Variants in CDKL4 observed in about 807,000 individuals in gnomAD.
CDKL4 encodes the protein cyclin-dependent kinase-like 4.
CDKL4 carries 44 observed loss-of-function variants against 42.0 expected under a neutral mutation model. That is an observed-to-expected ratio of 1.05 (90% CI 0.82 to 1.35). CDKL4 has a LOEUF of 1.35. CDKL4 is among the 40% of genes most tolerant of loss of function. The pLI is 0.00. For synonymous variants in CDKL4, 120 were observed against 121.6 expected, an observed-to-expected ratio of 0.99 and a Z score of 0.09; for missense variants, 393 against 369.9, an observed-to-expected ratio of 1.06 and a Z score of -0.51.
intron 7 of CDKL4, among the ~76,000 whole-genome samples, chr2:39,185,790 T>C (rs1413166977): frequency 6.6e-6 from 1 of 152,076 alleles, no homozygotes; most frequent in Non-Finnish European, 1.5e-5. Flanking sequence ...CACTCTTTTA[T>C]ATAATTGTAC....
intron 3 of CDKL4, among the ~76,000 whole-genome samples, chr2:39,224,542 C>T: frequency 7.0e-6 from 1 of 142,398 alleles, no homozygotes; most frequent in South Asian, 2.2e-4. Context: ...CTTGTTCTGT[C>T]ACCAAGGCTG....
rs1390448774 is a variant in CDKL4, at chr2:39,184,718, A to ATG, written c.736-73_736-72dup. 9 of 970,374 alleles carry ATG rather than the reference A, an allele frequency of 9.3e-6. No individual in the cohort carries two copies. In the African/African-American group the frequency reaches 1.1e-4, roughly 12 times the overall value. The allele number at this position is 970,374 out of a possible 1,614,324, so 60.1% of individuals were successfully genotyped here. On this transcript the variant is annotated intron_variant, in intron 7 of 9. Coordinates refer to ENST00000451199, the Ensembl canonical transcript of CDKL4. Reference sequence around the variant, plus strand: ...AATATGTGTGTGTATATATGTGCGTATGTATGTGTGTGTGTGTGTGTGTGT... The same window carrying ATG: ...AATATGTGTGTGTATATATGTGCGTATGTGTATGTGTGTGTGTGTGTGTGTGT...
intron 5 of CDKL4, among the ~76,000 whole-genome samples, chr2:39,193,919 G>A (rs1197785208): frequency 6.6e-6 from 1 of 152,132 alleles, no homozygotes; most frequent in Non-Finnish European, 1.5e-5. Context: ...ACAGTATTAA[G>A]TCAGATAAAT....
At chr2:39,188,398 T>C (rs1675957726) in intron 6 of CDKL4, among the ~76,000 whole-genome samples, 1 of 151,296 alleles carries the variant, frequency 6.6e-6, no homozygotes. Context: ...CCGTCTCTAC[T>C]AAAAATACAA....
At chr2:39,197,229 C>G (rs549927127) in intron 5 of CDKL4, among the ~76,000 whole-genome samples, 1 of 152,162 alleles carries the variant, frequency 6.6e-6, no homozygotes, top group African/African-American at 2.4e-5. Context: ...CAAGAAAGAA[C>G]TTCAGCGCTT....
At chr2:39,224,433 A>C (rs1457885822) in intron 3 of CDKL4, among the ~76,000 whole-genome samples, 1 of 151,966 alleles carries the variant, frequency 6.6e-6, no homozygotes, top group African/African-American at 2.4e-5. Context: ...GAGTCAGAAC[A>C]ACTCTTTATC....
chr2:39,228,246 A>G (rs945875914), intron 2 of CDKL4, among the ~76,000 whole-genome samples: 1 of 152,152 alleles, frequency 6.6e-6, no homozygotes, highest in Non-Finnish European at 1.5e-5. Context: ...TAGCTCAGTG[A>G]GGGTGCCAGA....
intron 9 of CDKL4, chr2:39,178,759 G>C (rs1675274128): frequency 6.3e-7 from 1 of 1,598,992 alleles, no homozygotes; most frequent in African/African-American, 1.3e-5. Context: ...TTAGGTGCCT[G>C]CTGTGGGTGA....
chr2:39,207,628 T>C lies in CDKL4; in HGVS notation c.364-3011A>G, dbSNP rs77374609. ...ATATCTGTCCATTGGCCTATACATA[T>C]GTTTTCTGCATCTAATCCATGTGAA... On this transcript the variant is annotated intron_variant, in intron 4 of 9. Coordinates refer to ENST00000451199, the Ensembl canonical transcript of CDKL4. 1.4e-3 allele frequency among the ~76,000 whole-genome samples: 214 copies of C among 152,356 alleles called. 3 individuals carry two copies. The East Asian group carries it at 0.022, about 16-fold the overall frequency.
At chr2:39,190,389 C>T (rs763247722) in exon 6 of CDKL4, 6 of 1,614,004 alleles carry the variant, frequency 3.7e-6, no homozygotes, top group South Asian at 1.1e-5. Context: ...TCTGCAAAAA[C>T]ACAACCAATA....
upstream of CDKL4, among the ~76,000 whole-genome samples, chr2:39,246,681 TTCATCTA>T (rs1447061751): frequency 2.0e-5 from 3 of 152,238 alleles, no homozygotes; most frequent in African/African-American, 4.8e-5. Flanking sequence ...TAAATTTCTC[TTCATCTA>T]TCAACAACCT....
intron 1 of CDKL4, among the ~76,000 whole-genome samples, chr2:39,242,234 T>TG (rs1031616031): frequency 6.6e-6 from 1 of 152,184 alleles, no homozygotes. Flanking sequence ...TTTGTAGAGG[T>TG]GGGGTCTCAT....
chr2:39,235,238 T>C lies in CDKL4; in HGVS notation c.-56-5650A>G, dbSNP rs558037082. On this transcript the variant is annotated intron_variant, in intron 1 of 9. Transcript: ENST00000451199. Reference sequence around the variant, plus strand: ...GTACCCCATAGTCCTCTTGAATGTATTGGTGAAAGGCCTTCATCCAATCAA... The same window carrying C: ...GTACCCCATAGTCCTCTTGAATGTACTGGTGAAAGGCCTTCATCCAATCAA... 2.0e-5 allele frequency among the ~76,000 whole-genome samples: 3 copies of C among 152,280 alleles called. No individual in the cohort carries two copies. In the South Asian group the frequency reaches 6.2e-4, roughly 32 times the overall value.
chr2:39,212,953 T>C (rs1328262655), intron 4 of CDKL4, among the ~76,000 whole-genome samples: 2 of 152,170 alleles, frequency 1.3e-5, no homozygotes, highest in African/African-American at 4.8e-5. Flanking sequence ...TGAGCCACCA[T>C]ACCGGCCCTG....
At chr2:39,185,107 AAT>A (rs201572028) in intron 7 of CDKL4, among the ~76,000 whole-genome samples, 2,230 of 139,208 alleles carry the variant, frequency 0.016, 85 homozygotes, top group African/African-American at 0.056. Flanking sequence ...ATTCATTTTA[AAT>A]ATATATATAT....
At position 39,225,905 on chromosome 2, in the gene CDKL4, T is replaced by C; in HGVS notation, c.224A>G (p.Lys75Arg). ...ACAGTATTCAAAAACTAAATGCATTTTCCTTTTTCTCCTGAACACCTCGAT... is the reference window on the plus strand; with the variant it reads ...ACAGTATTCAAAAACTAAATGCATTCTCCTTTTTCTCCTGAACACCTCGAT... The change falls in exon 3 of 10, where the codon AAA becomes AGA. Residue 75 changes from lysine (K) to arginine (R), a missense_variant. Physicochemically the swap from Lys to Arg is conservative, Grantham distance 26. Coordinates refer to ENST00000451199, the Ensembl canonical transcript of CDKL4. 1 of 1,611,802 alleles carries C rather than the reference T, an allele frequency of 6.2e-7. No homozygotes were observed. Among genetic ancestry groups the C allele is most frequent in the Non-Finnish European group, 8.5e-7 (1 of 1,178,926 alleles).
exon 10 of CDKL4, chr2:39,176,057 G>C (rs1263061124): frequency 2.1e-6 from 1 of 470,804 alleles, no homozygotes; most frequent in South Asian, 1.6e-5. Context: ...TCAGGTGTGG[G>C]GGAGATGTGG....
intron 4 of CDKL4, among the ~76,000 whole-genome samples, chr2:39,212,952 A>G (rs1212611395): frequency 1.3e-5 from 2 of 152,056 alleles, no homozygotes; most frequent in Non-Finnish European, 2.9e-5. Flanking sequence ...ATGAGCCACC[A>G]TACCGGCCCT....
intron 9 of CDKL4, among the ~76,000 whole-genome samples, chr2:39,178,098 T>A (rs910450372): frequency 3.3e-5 from 5 of 152,234 alleles, no homozygotes; most frequent in Admixed American, 3.3e-4. Flanking sequence ...ATAAGCTGCA[T>A]TGGGCTTGAT....
Sources: gnomAD v4.1 joint callset for allele counts (sites outside exome capture counted in the v4.1 genomes callset) on GRCh38, gnomAD v4.1.1 for gene constraint, MANE v1.5 for transcripts, NCBI Gene and HGNC (gene_info 2026-07-23, HGNC 2026-07-21) for gene names.